CSNK1D: variants seen among roughly 807,000 people sequenced by gnomAD.
CSNK1D encodes the protein casein kinase 1 delta.
CSNK1D carries 16 observed loss-of-function variants against 46.6 expected under a neutral mutation model. The observed-to-expected ratio is 0.34, with a 90% CI of 0.23 to 0.52. The LOEUF (loss-of-function observed/expected upper bound fraction) is 0.52, where lower values mean the gene tolerates loss of function less well. Among genes scored for constraint, CSNK1D ranks in the 20% least tolerant of loss-of-function variants. CSNK1D has a pLI of 0.95. For missense variants in CSNK1D, 398 were observed against 578.4 expected (o/e 0.69, Z 3.20); for synonymous variants, 276 against 228.2 (o/e 1.21, Z -1.89).
intron 3 of CSNK1D, 120 bp from the exon 4 acceptor site, chr17:82,253,364 G>A: frequency 3.4e-6 from 3 of 880,234 alleles, no homozygotes; most frequent in East Asian, 4.9e-5. Context: ...CAGCAGGGTA[G>A]TTTAACAATT....
Position 82,248,867 on chromosome 17 carries a change from G to T in CSNK1D, c.1197+8C>A. On this transcript the variant is annotated splice_region_variant and intron_variant, in intron 8 of 8. Transcript: ENST00000314028. This position sits in a 1 kb window ranked among gnomAD's most constrained non-coding sequence, Gnocchi z 4.1. ...GGCCCAGCGCCCGCCCGGGAGCTCT[G>T]CACCTACCTGTGAGGTGGACATGCG... is the stretch of plus-strand genomic sequence containing the variant. The T allele has an allele frequency of 1.2e-6, 2 of 1,608,240 alleles. No individual in the cohort carries two copies. Among genetic ancestry groups the T allele is most frequent in the Non-Finnish European group, 8.5e-7 (1 of 1,177,098 alleles).
Position 82,249,898 on chromosome 17 carries a change from CT to C in CSNK1D, c.886-297del. On this transcript the variant is annotated intron_variant, in intron 6 of 8. Transcript: ENST00000314028. The surrounding 1 kb of genome is among the most constrained non-coding windows in gnomAD (Gnocchi z 6.7). ...CTTCCAAATGGGCAGCAGCTACCCC[CT>C]GCTGCTCTGTGAACATGCTCACTAA... 4.4e-6 allele frequency: 6 copies of C among 1,366,358 alleles called. No individual in the cohort carries two copies. The highest frequency in any genetic ancestry group is 5.7e-6 in the Non-Finnish European group (6 of 1,055,430). The allele number at this position is 1,366,358 out of a possible 1,614,324, so 84.6% of individuals were successfully genotyped here.
rs1033202436 is a variant in CSNK1D at position 82,248,584 on chromosome 17, G to A, written c.1197+291C>T. 1.9e-5 allele frequency: 24 copies of A among 1,262,372 alleles called. No individual in the cohort carries two copies. The East Asian group carries it at 3.6e-4, about 19-fold the overall frequency. 78.2% of individuals were successfully genotyped at this position (1,262,372 alleles called of 1,614,324 possible). On this transcript the variant is annotated intron_variant, in intron 8 of 8. Coordinates refer to ENST00000314028, the MANE Select transcript of CSNK1D (RefSeq NM_001893.6). The surrounding 1 kb of genome is among the most constrained non-coding windows in gnomAD (Gnocchi z 4.1). ...CTGCCTGGGGACGGCTGCGGGCAGC[G>A]GGGCACTCAAACAGCAGGAGAAAGC... is the stretch of plus-strand genomic sequence containing the variant.
At position 82,255,204 on chromosome 17, in the gene CSNK1D, G is replaced by A; in HGVS notation, c.336+225C>T. Reference sequence around the variant, plus strand: ...GTGAGCTGGGCCGCCGGAGCCTCGAGAAGCCAGTGAGCTGGGCCGCCGGAG... The same window carrying A: ...GTGAGCTGGGCCGCCGGAGCCTCGAAAAGCCAGTGAGCTGGGCCGCCGGAG... On this transcript the variant is annotated intron_variant, in intron 3 of 8. Transcript: ENST00000314028. The surrounding 1 kb of genome is among the most constrained non-coding windows in gnomAD (Gnocchi z 5.9). 1.7e-6 allele frequency: 1 copy of A among 600,216 alleles called. No homozygotes were observed. 37.2% of individuals were successfully genotyped at this position (600,216 alleles called of 1,614,324 possible).
At chr17:82,245,481 G>C (rs1423402497) in intron 8 of CSNK1D, 3 of 211,320 alleles carry the variant, frequency 1.4e-5, no homozygotes, top group East Asian at 1.2e-4. Context: ...CAGGAAGAGA[G>C]AGGCGACTAG....
intron 1 of CSNK1D, among the ~76,000 whole-genome samples, chr17:82,271,509 C>G (rs1344840989): frequency 1.3e-5 from 2 of 152,254 alleles, no homozygotes; most frequent in Non-Finnish European, 2.9e-5. Context: ...ACCAAGCACT[C>G]TGACTTCCCA....
intron 2 of CSNK1D, 110 bp downstream of exon 2, chr17:82,265,576 C>A: frequency 1.2e-6 from 1 of 850,076 alleles, no homozygotes; most frequent in Non-Finnish European, 2.0e-6. Flanking sequence ...ACACTTCCCT[C>A]CCTTTTGCCC....
intron 2 of CSNK1D, among the ~76,000 whole-genome samples, chr17:82,256,443 A>G (rs532214806): frequency 2.6e-4 from 39 of 151,860 alleles, no homozygotes; most frequent in African/African-American, 9.2e-4. Flanking sequence ...AGCCCAGGAA[A>G]TGGAGGCTGC....
At position 82,255,871 on chromosome 17, in the gene CSNK1D, G is replaced by C. The variant is rs1330475120; in HGVS notation, c.188-294C>G. 2.0e-5 allele frequency among the ~76,000 whole-genome samples: 3 copies of C among 152,344 alleles called. No individual in the cohort carries two copies. The highest frequency in any genetic ancestry group is 2.1e-4 in the South Asian group (1 of 4,830). ...CCCCGACTCCCGTCTTCTAGGGCAG[G>C]GGGGCAGGAGACACAGAAAGCAGCC... On this transcript the variant is annotated intron_variant, in intron 2 of 8. Coordinates refer to ENST00000314028, the MANE Select transcript of CSNK1D (RefSeq NM_001893.6). The surrounding 1 kb of genome is among the most constrained non-coding windows in gnomAD (Gnocchi z 5.9).
chr17:82,252,342 T>A lies in CSNK1D; in HGVS notation c.736+92A>T. ...CCCTTTGGAAGGTGAGCAACTCTTC[T>A]GACAAAACCCAGACTGAGCCGTCTC... On this transcript the variant is annotated intron_variant, in intron 5 of 8. Transcript: ENST00000314028. This position sits in a 1 kb window ranked among gnomAD's most constrained non-coding sequence, Gnocchi z 4.6. 1 of 1,483,574 alleles carries A rather than the reference T, an allele frequency of 6.7e-7. No homozygotes were observed. Among genetic ancestry groups the A allele is most frequent in the Admixed American group, 1.7e-5 (1 of 59,814 alleles). 91.9% of individuals were successfully genotyped at this position (1,483,574 alleles called of 1,614,324 possible). A position where few individuals can be genotyped will look rare whatever the true frequency, so the allele number is the denominator to read the frequency against.
At chr17:82,247,355 TG>T (rs1171023369) in intron 8 of CSNK1D, 2 of 985,132 alleles carry the variant, frequency 2.0e-6, no homozygotes, top group Non-Finnish European at 2.4e-6. Flanking sequence ...AAAAGGCAGC[TG>T]GACTCAGGGC....
intron 1 of CSNK1D, among the ~76,000 whole-genome samples, chr17:82,270,670 G>A (rs1350974890): frequency 1.3e-5 from 2 of 152,090 alleles, no homozygotes; most frequent in African/African-American, 4.8e-5. Context: ...CCTTACTCCG[G>A]CTAACGTGAC....
In CSNK1D at chr17:82,249,293, A is replaced by T; in HGVS notation, c.1057+138T>A. On this transcript the variant is annotated intron_variant, in intron 7 of 8. Coordinates refer to ENST00000314028, the MANE Select transcript of CSNK1D (RefSeq NM_001893.6). The surrounding 1 kb of genome is among the most constrained non-coding windows in gnomAD (Gnocchi z 6.7). Reference sequence around the variant, plus strand: ...TAAAGGCGCCTGGGCAGCCTGGCTCATCCACCCTCAGGAGCGAGCATCGCC... The same window carrying T: ...TAAAGGCGCCTGGGCAGCCTGGCTCTTCCACCCTCAGGAGCGAGCATCGCC... 1 of 983,546 alleles carries T rather than the reference A, an allele frequency of 1.0e-6. No individual in the cohort carries two copies. The highest frequency in any genetic ancestry group is 1.5e-6 in the Non-Finnish European group (1 of 676,578). 60.9% of individuals were successfully genotyped at this position (983,546 alleles called of 1,614,324 possible). A position where few individuals can be genotyped will look rare whatever the true frequency, so the allele number is the denominator to read the frequency against.
Position 82,243,060 on chromosome 17 carries a change from C to G in CSNK1D, c.*1721G>C. ...ATCTCTTAACTCGGCTCTGACCCAC[C>G]CCAACCTCCCTCTGTACTTCAACAC... On this transcript the variant is annotated 3_prime_UTR_variant, in exon 9 of 9. Coordinates refer to ENST00000314028, the MANE Select transcript of CSNK1D (RefSeq NM_001893.6). 2 of 985,458 alleles carry G rather than the reference C, an allele frequency of 2.0e-6. No individual in the cohort carries two copies. The highest frequency in any genetic ancestry group is 2.4e-6 in the Non-Finnish European group (2 of 829,956). The allele number at this position is 985,458 out of a possible 1,614,324, so 61.0% of individuals were successfully genotyped here. A position where few individuals can be genotyped will look rare whatever the true frequency, so the allele number is the denominator to read the frequency against.
chr17:82,273,240 G>C lies in CSNK1D; in HGVS notation c.76+66C>G. ...GGGGCCACCACTTCCTTCCGCGATC[G>C]CGCTTGGTCTTGGCAGCCGCAGGGC... is the stretch of plus-strand genomic sequence containing the variant. On this transcript the variant is annotated intron_variant, in intron 1 of 8. Transcript: ENST00000314028. This position sits in a 1 kb window ranked among gnomAD's most constrained non-coding sequence, Gnocchi z 5.1. 1 of 1,498,778 alleles carries C rather than the reference G, an allele frequency of 6.7e-7. No homozygotes were observed. The highest frequency in any genetic ancestry group is 1.4e-5 in the African/African-American group (1 of 70,856). The allele number at this position is 1,498,778 out of a possible 1,614,324, so 92.8% of individuals were successfully genotyped here.
Position 82,253,301 on chromosome 17 carries a change from G to C in CSNK1D, c.337-57C>G. 6 of 1,318,918 alleles carry C rather than the reference G, an allele frequency of 4.5e-6. No homozygotes were observed. In the South Asian group the frequency reaches 7.1e-5, roughly 16 times the overall value. The allele number at this position is 1,318,918 out of a possible 1,614,324, so 81.7% of individuals were successfully genotyped here. On this transcript the variant is annotated intron_variant, in intron 3 of 8. Coordinates refer to ENST00000314028, the MANE Select transcript of CSNK1D (RefSeq NM_001893.6). ...CCCAGGGCAGTCTCAGGGAGGGACC[G>C]CTCAACTGTGGGACACTACATCAGT...
chr17:82,258,227 A>G (rs2051231714), intron 2 of CSNK1D, among the ~76,000 whole-genome samples: 1 of 150,538 alleles, frequency 6.6e-6, no homozygotes, highest in Non-Finnish European at 1.5e-5. Flanking sequence ...AAAAAAAGTT[A>G]AAGGCATGAG....
chr17:82,273,241 C>T lies in CSNK1D; in HGVS notation c.76+65G>A. 1 of 1,509,060 alleles carries T rather than the reference C, an allele frequency of 6.6e-7. No homozygotes were observed. The highest frequency in any genetic ancestry group is 1.2e-5 in the South Asian group (1 of 85,832). 93.5% of individuals were successfully genotyped at this position (1,509,060 alleles called of 1,614,324 possible). A position where few individuals can be genotyped will look rare whatever the true frequency, so the allele number is the denominator to read the frequency against. On this transcript the variant is annotated intron_variant, in intron 1 of 8. Coordinates refer to ENST00000314028, the MANE Select transcript of CSNK1D (RefSeq NM_001893.6). This position sits in a 1 kb window ranked among gnomAD's most constrained non-coding sequence, Gnocchi z 5.1. ...GGGCCACCACTTCCTTCCGCGATCG[C>T]GCTTGGTCTTGGCAGCCGCAGGGCC...
Position 82,242,885 on chromosome 17 carries a change from G to A in CSNK1D, c.*1896C>T, listed in dbSNP as rs1394506885. 6.1e-6 allele frequency: 6 copies of A among 985,296 alleles called. No homozygotes were observed. The highest frequency in any genetic ancestry group is 1.1e-4 in the East Asian group (1 of 8,824). The allele number at this position is 985,296 out of a possible 1,614,324, so 61.0% of individuals were successfully genotyped here. ...CCCGGCGAGGCTCGGGCTGGAACCC[G>A]GGCGCAGAGCTGCCTCGCACAAACG... On this transcript the variant is annotated 3_prime_UTR_variant, in exon 9 of 9. Coordinates refer to ENST00000314028, the MANE Select transcript of CSNK1D (RefSeq NM_001893.6).
Sources: gnomAD v4.1 joint callset for allele counts (sites outside exome capture counted in the v4.1 genomes callset) on GRCh38, gnomAD v4.1.1 for gene constraint, Gnocchi (gnomAD v3.1) non-coding constraint, MANE v1.5 for transcripts, NCBI Gene and HGNC (gene_info 2026-07-23, HGNC 2026-07-21) for gene names.